Variants in CCDC73 observed in about 807,000 individuals in gnomAD.
The protein encoded by CCDC73 is coiled-coil domain containing 73.
Under a neutral mutation model 116.5 loss-of-function variants are expected in CCDC73, and 95 were observed. That is an observed-to-expected ratio of 0.82 (90% CI 0.69 to 0.97). The LOEUF is 0.97. Ranked by LOEUF, CCDC73 falls within the 50% of genes least tolerant of loss-of-function variation. The pLI is 0.00. For synonymous variants in CCDC73, 398 were observed against 401.3 expected, an observed-to-expected ratio of 0.99 and a Z score of 0.10; for missense variants, 1,066 against 1,206.8, an observed-to-expected ratio of 0.88 and a Z score of 1.73.
At chr11:32,627,925 C>T (rs1565060355) in intron 14 of CCDC73, among the ~76,000 whole-genome samples, 1 of 151,990 alleles carries the variant, frequency 6.6e-6, no homozygotes, top group African/African-American at 2.4e-5. Flanking sequence ...ACATATGTAA[C>T]AAATCTGCAG....
intron 9 of CCDC73, among the ~76,000 whole-genome samples, chr11:32,664,745 A>C (rs1196062055): frequency 2.0e-5 from 3 of 150,568 alleles, no homozygotes; most frequent in Non-Finnish European, 4.5e-5. Flanking sequence ...CTTGCTTGTG[A>C]TGTTAGGGTG....
At chr11:32,810,609 G>A in the CCDC73 span, among the ~76,000 whole-genome samples, 1 of 152,130 alleles carries the variant, frequency 6.6e-6, no homozygotes, top group Non-Finnish European at 1.5e-5. Context: ...GCCCTGAGGA[G>A]TAGAAACCCC....
intron 15 of CCDC73, among the ~76,000 whole-genome samples, chr11:32,615,438 T>A (rs555448208): frequency 1.3e-5 from 2 of 152,324 alleles, no homozygotes; most frequent in African/African-American, 4.8e-5. Context: ...TGAATATTTT[T>A]AAATTCTTGA....
Position 32,760,224 on chromosome 11 carries a change from G to T in CCDC73, c.20C>A (p.Thr7Asn). 6.4e-7 allele frequency: 1 copy of T among 1,568,816 alleles called. No individual in the cohort carries two copies. The highest frequency in any genetic ancestry group is 1.4e-5 in the African/African-American group (1 of 72,868). Residue 7 changes from threonine to asparagine, a missense_variant, in exon 2 of 18, where the codon ACT becomes AAT. By Grantham distance (65) the Thr-to-Asn change is moderately conservative. Coordinates refer to ENST00000335185, the MANE Select transcript of CCDC73 (RefSeq NM_001008391.4). ...AAGAGTAAAAGTAGATGATGACTCA[G>T]TATTGAAGTTGCTTTCCATATTAAT... is the stretch of plus-strand genomic sequence containing the variant. MESNFN[T>N]ESSSTFTLQS...
chr11:32,676,474 C>T (rs1856090183), intron 7 of CCDC73, among the ~76,000 whole-genome samples: 1 of 152,144 alleles, frequency 6.6e-6, no homozygotes, highest in Non-Finnish European at 1.5e-5. Flanking sequence ...ATGTACACTA[C>T]CAAAATTCAA....
intron 7 of CCDC73, among the ~76,000 whole-genome samples, chr11:32,679,016 A>G (rs1416639048): frequency 6.6e-6 from 1 of 152,048 alleles, no homozygotes; most frequent in Admixed American, 6.6e-5. Context: ...TTTCAAAGCT[A>G]TTTTTTAATG....
intron 3 of CCDC73, among the ~76,000 whole-genome samples, chr11:32,705,065 G>A (rs1244381220): frequency 1.3e-5 from 2 of 152,190 alleles, no homozygotes; most frequent in Non-Finnish European, 2.9e-5. Flanking sequence ...GGGAGCTAAA[G>A]GGGCTGTAAC....
At chr11:32,652,507 G>C (rs762260788) in intron 12 of CCDC73, among the ~76,000 whole-genome samples, 2 of 152,090 alleles carry the variant, frequency 1.3e-5, no homozygotes, top group Non-Finnish European at 1.5e-5. Context: ...CCCTACAAGA[G>C]ATTTTCCTGT....
chr11:32,779,666 T>C (rs1272226920), intron 1 of CCDC73, among the ~76,000 whole-genome samples: 1 of 152,156 alleles, frequency 6.6e-6, no homozygotes, highest in Non-Finnish European at 1.5e-5. Context: ...TTCCCATTCC[T>C]GAACCAATTA....
intron 2 of CCDC73, among the ~76,000 whole-genome samples, chr11:32,737,230 G>GGT (rs1565088948): frequency 9.1e-5 from 10 of 109,920 alleles, no homozygotes; most frequent in Admixed American, 2.1e-4. Context: ...ACATAGTAGG[G>GGT]CTGTGTGTGT....
chr11:32,620,683 CATT>C (rs1241279375), intron 14 of CCDC73, among the ~76,000 whole-genome samples: 1 of 149,028 alleles, frequency 6.7e-6, no homozygotes, highest in Non-Finnish European at 1.5e-5. Context: ...AAAACCAAGT[CATT>C]AATCCAGCTC....
At chr11:32,746,594 G>T (rs1351304144) in intron 2 of CCDC73, among the ~76,000 whole-genome samples, 1 of 152,048 alleles carries the variant, frequency 6.6e-6, no homozygotes, top group African/African-American at 2.4e-5. Context: ...TTTTCACATA[G>T]TCTCATATTT....
At chr11:32,617,646 T>C (rs201905) in intron 14 of CCDC73, among the ~76,000 whole-genome samples, 65,899 of 151,916 alleles carry the variant, frequency 0.43, 14,713 homozygotes, top group African/African-American at 0.49. Flanking sequence ...ACTTGGTCAA[T>C]GATTGGATGT....
chr11:32,627,961 A>G (rs1855592131), intron 14 of CCDC73, among the ~76,000 whole-genome samples: 1 of 152,224 alleles, frequency 6.6e-6, no homozygotes. Flanking sequence ...CCTAAAAATT[A>G]AAGTATAATA....
chr11:32,708,072 G>C (rs1406541124), intron 3 of CCDC73, among the ~76,000 whole-genome samples: 1 of 152,106 alleles, frequency 6.6e-6, no homozygotes, highest in Non-Finnish European at 1.5e-5. Flanking sequence ...ATCTTGATTT[G>C]ATTTTTGTTA....
At chr11:32,724,103 G>A (rs952615727) in intron 2 of CCDC73, among the ~76,000 whole-genome samples, 1 of 151,942 alleles carries the variant, frequency 6.6e-6, no homozygotes, top group Non-Finnish European at 1.5e-5. Flanking sequence ...TCAGAAAGGG[G>A]TATGATTCTA....
At chr11:32,716,319 C>G (rs1173431630) in intron 3 of CCDC73, among the ~76,000 whole-genome samples, 5 of 152,144 alleles carry the variant, frequency 3.3e-5, no homozygotes, top group African/African-American at 1.2e-4. Context: ...CCACCGTTAA[C>G]ATTCACTAAA....
intron 1 of CCDC73, among the ~76,000 whole-genome samples, chr11:32,787,847 C>G (rs887598381): frequency 1.3e-5 from 2 of 152,146 alleles, no homozygotes; most frequent in African/African-American, 4.8e-5. Context: ...GGGATTGCTA[C>G]AAGATTCATT....
intron 1 of CCDC73, among the ~76,000 whole-genome samples, chr11:32,769,230 A>C (rs950494596): frequency 3.9e-5 from 6 of 152,168 alleles, no homozygotes; most frequent in African/African-American, 1.4e-4. Flanking sequence ...CAATGATTTA[A>C]ATTTCTTTTG....
Sources: gnomAD v4.1 joint callset for allele counts (sites outside exome capture counted in the v4.1 genomes callset) on GRCh38, gnomAD v4.1.1 for gene constraint, MANE v1.5 for transcripts, NCBI Gene and HGNC (gene_info 2026-07-23, HGNC 2026-07-21) for gene names.